The following FTO variants were observed in gnomAD, a reference collection of about 807,000 sequenced individuals.
FTO encodes the protein FTO alpha-ketoglutarate dependent dioxygenase.
A neutral mutation model predicts 63.9 loss-of-function variants in FTO; 47 were observed. The observed-to-expected ratio is 0.74, with a 90% confidence interval of 0.58 to 0.94. FTO has a LOEUF of 0.94. FTO is among the 40% of genes least tolerant of loss of function. The pLI, the probability that FTO is intolerant of heterozygous loss-of-function variation, is 0.00. For synonymous variants in FTO, 207 were observed against 224.4 expected, an observed-to-expected ratio of 0.92 and a Z score of 0.69; for missense variants, 562 against 618.1, an observed-to-expected ratio of 0.91 and a Z score of 0.96.
chr16:53,934,919 C>G (rs2082355176), intron 8 of FTO, among the ~76,000 whole-genome samples: 1 of 152,174 alleles, frequency 6.6e-6, no homozygotes, highest in Non-Finnish European at 1.5e-5. Flanking sequence ...CTTGTTTCAA[C>G]CTGGTCTCTT....
intron 1 of FTO, among the ~76,000 whole-genome samples, chr16:53,777,183 T>G (rs2077479627): frequency 6.6e-6 from 1 of 152,206 alleles, no homozygotes; most frequent in Non-Finnish European, 1.5e-5. Context: ...AACTGAATTT[T>G]TTACCCTTTG....
intron 8 of FTO, among the ~76,000 whole-genome samples, chr16:54,004,437 T>A (rs1418403057): frequency 1.3e-5 from 2 of 152,126 alleles, no homozygotes; most frequent in African/African-American, 2.4e-5. Flanking sequence ...GGTTTTTTTT[T>A]AATTTAGCAA....
At chr16:54,031,439 C>T (rs2084830515) in intron 8 of FTO, among the ~76,000 whole-genome samples, 1 of 151,996 alleles carries the variant, frequency 6.6e-6, no homozygotes, top group African/African-American at 2.4e-5. Flanking sequence ...ATTTGGTGGG[C>T]TTGGGGCTAG....
chr16:53,777,161 G>C (rs2077479190), intron 1 of FTO, among the ~76,000 whole-genome samples: 1 of 152,058 alleles, frequency 6.6e-6, no homozygotes, highest in Non-Finnish European at 1.5e-5. Context: ...CTAGAACTTA[G>C]GTCTCCTGTC....
At chr16:53,987,280 G>A (rs1349940109) in intron 8 of FTO, among the ~76,000 whole-genome samples, 2 of 151,958 alleles carry the variant, frequency 1.3e-5, no homozygotes, top group African/African-American at 2.4e-5. Context: ...TCTGGATACG[G>A]TGTTTAAAAT....
chr16:53,978,252 G>A (rs1318912426), intron 8 of FTO, among the ~76,000 whole-genome samples: 1 of 152,040 alleles, frequency 6.6e-6, no homozygotes, highest in Non-Finnish European at 1.5e-5. Context: ...CCAATTGATT[G>A]GTACTTGCAA....
intron 1 of FTO, among the ~76,000 whole-genome samples, chr16:53,774,583 G>T (rs2077419612): frequency 6.6e-6 from 1 of 152,130 alleles, no homozygotes; most frequent in Admixed American, 6.6e-5. Flanking sequence ...TCACTTGGTT[G>T]TTCTACTTTT....
chr16:53,804,905 G>A (rs952970040), intron 1 of FTO, among the ~76,000 whole-genome samples: 2 of 151,980 alleles, frequency 1.3e-5, no homozygotes, highest in African/African-American at 2.4e-5. Context: ...GTGAGCCACC[G>A]CGCCTGGCTC....
intron 7 of FTO, among the ~76,000 whole-genome samples, chr16:53,932,392 GTTT>G (rs1277490248): frequency 7.1e-6 from 1 of 140,994 alleles, no homozygotes. Context: ...TTCTGATGTG[GTTT>G]TTTTTTTTTT....
intron 8 of FTO, among the ~76,000 whole-genome samples, chr16:53,946,669 C>A (rs2082657734): frequency 6.6e-6 from 1 of 152,072 alleles, no homozygotes; most frequent in Admixed American, 6.5e-5. Context: ...GGTCTGAACT[C>A]CAGGAAGCAT....
chr16:53,809,147 G>A (rs1389491334), intron 1 of FTO, among the ~76,000 whole-genome samples: 3 of 152,116 alleles, frequency 2.0e-5, no homozygotes, highest in African/African-American at 7.2e-5. Flanking sequence ...TGTTTGAATA[G>A]CACAGTACTG....
At chr16:53,854,978 T>C (rs754854990) in intron 4 of FTO, among the ~76,000 whole-genome samples, 1 of 152,124 alleles carries the variant, frequency 6.6e-6, no homozygotes, top group Non-Finnish European at 1.5e-5. Context: ...TTTATAGTTC[T>C]CTTTGTAGAG....
intron 8 of FTO, among the ~76,000 whole-genome samples, chr16:54,009,578 A>G (rs1482014871): frequency 2.0e-5 from 3 of 152,110 alleles, no homozygotes; most frequent in South Asian, 4.1e-4. Context: ...TTTTCCAGAG[A>G]TCAGTGCCTG....
At position 53,851,285 on chromosome 16, in the gene FTO, TA is replaced by T. The variant is rs571720201; in HGVS notation, c.895+7011del. On this transcript the variant is annotated intron_variant, in intron 4 of 8. Coordinates refer to ENST00000471389, the MANE Select transcript of FTO (RefSeq NM_001080432.3). ...CAACATGGTGATACCCCACCTCTAC[TA>T]AAAAAAAAAAAAAAAAAAAAAAATT... Among the ~76,000 whole-genome samples the T allele has an allele frequency of 5.4e-3, 559 of 103,284 alleles. 2 individuals carry two copies. Among genetic ancestry groups the T allele is most frequent in the Middle Eastern group, 0.01 (2 of 192 alleles). The allele number at this position is 103,284 out of a possible 152,430, so 67.8% of individuals were successfully genotyped here.
At chr16:53,891,450 C>T (rs1224917126) in intron 7 of FTO, among the ~76,000 whole-genome samples, 9 of 151,628 alleles carry the variant, frequency 5.9e-5, no homozygotes, top group African/African-American at 2.2e-4. Flanking sequence ...TGCTTGATCC[C>T]AGGAGTTTGA....
At chr16:54,006,754 G>C (rs773860038) in intron 8 of FTO, among the ~76,000 whole-genome samples, 1 of 152,208 alleles carries the variant, frequency 6.6e-6, no homozygotes, top group Non-Finnish European at 1.5e-5. Flanking sequence ...CTCCAAGCCC[G>C]CTGTTTGGGT....
intron 8 of FTO, among the ~76,000 whole-genome samples, chr16:53,983,746 G>A (rs1323005429): frequency 6.6e-6 from 1 of 152,036 alleles, no homozygotes; most frequent in Non-Finnish European, 1.5e-5. Flanking sequence ...GCACACCCCC[G>A]GTCTAAGAGG....
intron 7 of FTO, among the ~76,000 whole-genome samples, chr16:53,894,907 T>G (rs879416106): frequency 3.9e-5 from 6 of 152,174 alleles, no homozygotes; most frequent in Non-Finnish European, 7.4e-5. Context: ...ATCCAAAAAT[T>G]CAGTTTCTGA....
chr16:53,732,087 C>T (rs1321506727), intron 1 of FTO, among the ~76,000 whole-genome samples: 5 of 121,318 alleles, frequency 4.1e-5, no homozygotes, highest in Non-Finnish European at 5.0e-5. Flanking sequence ...CTCGCTCTGT[C>T]GCCCAGGCTG....
Sources: allele counts gnomAD v4.1 joint callset (sites outside exome capture counted in the v4.1 genomes callset), GRCh38; gene constraint gnomAD v4.1.1; transcripts MANE v1.5; gene names NCBI Gene and HGNC (gene_info 2026-07-23, HGNC 2026-07-21).